Variants in LACC1 observed in about 807,000 individuals in gnomAD.
LACC1 encodes laccase domain multifunctional purine nucleosidase 1.
A neutral mutation model predicts 34.8 loss-of-function variants in LACC1; 25 were observed. That is an observed-to-expected ratio of 0.72 (90% CI 0.52 to 1.00). The LOEUF is 1.00. Ranked by LOEUF, LACC1 falls within the 50% of genes least tolerant of loss-of-function variation. The pLI, the probability that LACC1 is intolerant of heterozygous loss-of-function variation, is 0.00. For synonymous variants in LACC1, 162 were observed against 168.0 expected, an observed-to-expected ratio of 0.96 and a Z score of 0.28; for missense variants, 426 against 511.2, an observed-to-expected ratio of 0.83 and a Z score of 1.61.
Position 43,889,946 on chromosome 13 carries a change from A to AT in LACC1, c.1134-161dup, listed in dbSNP as rs200461061. The stretch of plus-strand genomic sequence containing the variant: ...GTGATAAATGCTGATAAAGTGTAGC[A>AT]TTTTTTTCCCTGACTAGTCCATGTT... On this transcript the variant is annotated intron_variant, in intron 5 of 6. Coordinates refer to ENST00000325686, the MANE Select transcript of LACC1 (RefSeq NM_153218.4). 5.3e-4 allele frequency: 298 copies of AT among 566,460 alleles called. 4 individuals carry two copies. The East Asian group carries it at 6.9e-3, about 13-fold the overall frequency. 35.1% of individuals were successfully genotyped at this position (566,460 alleles called of 1,614,324 possible).
At chr13:43,887,130 T>G (rs1955369911) in intron 4 of LACC1, among the ~76,000 whole-genome samples, 1 of 152,182 alleles carries the variant, frequency 6.6e-6, no homozygotes, top group Non-Finnish European at 1.5e-5. Context: ...TCCTAAAGTC[T>G]TCTCTGCCAG....
chr13:43,883,773 T>C lies in LACC1; in HGVS notation c.744T>C (p.Thr248=), dbSNP rs764149241. ...TTGTTGCACATTTTTGGTATTAGAC[T>C]CATCATTCCAATGACATCTGGATTA... ...FNVEKFYRIK[T]HHSNDIWIMG... Residue 248 remains threonine, a splice_region_variant and synonymous_variant, in exon 4 of 7, where the codon ACT becomes ACC. Coordinates refer to ENST00000325686, the MANE Select transcript of LACC1 (RefSeq NM_153218.4). The C allele has an allele frequency of 3.1e-6, 5 of 1,607,934 alleles. No individual in the cohort carries two copies. Among genetic ancestry groups the C allele is most frequent in the Non-Finnish European group, 4.2e-6 (5 of 1,176,748 alleles).
chr13:43,888,891 G>A lies in LACC1; in HGVS notation c.1042G>A (p.Glu348Lys). ...VGPCCFTLPR[E>K]SAEAFHNLHP... ...ACCTTGCTGTTTTACTCTTCCAAGGGAATCAGCAGAGGCATTTCATAATCT... is the reference window on the plus strand; with the variant it reads ...ACCTTGCTGTTTTACTCTTCCAAGGAAATCAGCAGAGGCATTTCATAATCT... Residue 348 changes from glutamate to lysine, a missense_variant, in exon 5 of 7, where the codon GAA (glutamate) becomes AAA (lysine). By Grantham distance (56) the Glu-to-Lys change is moderately conservative. Around this residue, in one of 2 missense-constraint regions of LACC1, gnomAD observed 209 missense variants for 300.3 expected, o/e 0.70. Coordinates refer to ENST00000325686, the MANE Select transcript of LACC1 (RefSeq NM_153218.4). 6.2e-7 allele frequency: 1 copy of A among 1,613,828 alleles called. No individual in the cohort carries two copies. Among genetic ancestry groups the A allele is most frequent in the Non-Finnish European group, 8.5e-7 (1 of 1,179,794 alleles).
intron 6 of LACC1, 52 bp from the exon 7 acceptor site, chr13:43,891,397 A>G: frequency 1.1e-6 from 1 of 877,092 alleles, no homozygotes; most frequent in Non-Finnish European, 1.4e-6. Flanking sequence ...TTACCTTGAT[A>G]TTCTAATAAC....
At position 43,891,849 on chromosome 13, in the gene LACC1, A is replaced by G. The variant is rs1223029501; in HGVS notation, c.*402A>G. On this transcript the variant is annotated 3_prime_UTR_variant, in exon 7 of 7. Transcript: ENST00000325686. ...AGTGAAGGAGATAAACACTTCTACA[A>G]CTTAAATTTAATTTTAATAGCAGTA... 1.3e-5 allele frequency: 2 copies of G among 152,294 alleles called. No homozygotes were observed. The highest frequency in any genetic ancestry group is 6.5e-5 in the Admixed American group (1 of 15,278). 9.4% of individuals were successfully genotyped at this position (152,294 alleles called of 1,614,324 possible).
Position 43,880,982 on chromosome 13 carries a change from A to G in LACC1, c.-4A>G, listed in dbSNP as rs539758452. 6.2e-7 allele frequency: 1 copy of G among 1,606,976 alleles called. No homozygotes were observed. Among genetic ancestry groups the G allele is most frequent in the Non-Finnish European group, 8.5e-7 (1 of 1,176,314 alleles). ...TTATTTGGCATAAAAGTATTCTTTCAAGGATGGCAGAAGCTGTTTTGATTG... is the reference window on the plus strand; with the variant it reads ...TTATTTGGCATAAAAGTATTCTTTCGAGGATGGCAGAAGCTGTTTTGATTG... On this transcript the variant is annotated 5_prime_UTR_variant, in exon 2 of 7. Transcript: ENST00000325686.
Position 43,891,456 on chromosome 13 carries a change from A to C in LACC1, c.*9A>C. The C allele has an allele frequency of 1.0e-6, 1 of 984,170 alleles. No individual in the cohort carries two copies. Among genetic ancestry groups the C allele is most frequent in the Non-Finnish European group, 1.2e-6 (1 of 828,766 alleles). 61.0% of individuals were successfully genotyped at this position (984,170 alleles called of 1,614,324 possible). ...TTTCTATGTATTTTACAGATACTTG[A>C]CTGGATTTTTGTATAACTGCTTCCT... On this transcript the variant is annotated 3_prime_UTR_variant, in exon 7 of 7. Transcript: ENST00000325686.
At chr13:43,886,935 A>G (rs532403855) in intron 4 of LACC1, among the ~76,000 whole-genome samples, 14 of 152,244 alleles carry the variant, frequency 9.2e-5, no homozygotes, top group African/African-American at 2.9e-4. Context: ...AGGTGGATGA[A>G]CTACAAGTGA....
upstream of LACC1, chr13:43,879,740 T>TGAGGCGGAGCGAGGTGGGC (rs1555394114): frequency 7.7e-6 from 1 of 129,378 alleles, no homozygotes; most frequent in Non-Finnish European, 1.7e-5. Context: ...GCGAGGTAGG[T>TGAGGCGGAGCGAGGTGGGC]GAGGTGAGGC....
Position 43,881,521 on chromosome 13 carries a change from CTAT to C in LACC1, c.540_542del (p.Ile181del). ...CTGCCAGCACTGAGAGGAAAATTAACTATTATCACTTCTTCTTTGATCCCAGGT... is the reference window on the plus strand; with the variant it reads ...CTGCCAGCACTGAGAGGAAAATTAACTATCACTTCTTCTTTGATCCCAGGT... On this transcript the variant is annotated inframe_deletion, in exon 2 of 7. Coordinates refer to ENST00000325686, the MANE Select transcript of LACC1 (RefSeq NM_153218.4). The C allele has an allele frequency of 6.2e-7, 1 of 1,605,404 alleles. No individual in the cohort carries two copies. Among genetic ancestry groups the C allele is most frequent in the Non-Finnish European group, 8.5e-7 (1 of 1,177,084 alleles).
chr13:43,893,170 A>G lies in LACC1; in HGVS notation c.*1723A>G, dbSNP rs1357334807. On this transcript the variant is annotated 3_prime_UTR_variant, in exon 7 of 7. Transcript: ENST00000325686. Reference sequence around the variant, plus strand: ...TTTAATACATATATTTCCTACATGTATATGTGGTAGCATGATAGCAAATAA... The same window carrying G: ...TTTAATACATATATTTCCTACATGTGTATGTGGTAGCATGATAGCAAATAA... 3 of 152,154 alleles carry G rather than the reference A, an allele frequency of 2.0e-5. No individual in the cohort carries two copies. Among genetic ancestry groups the G allele is most frequent in the Non-Finnish European group, 4.4e-5 (3 of 67,924 alleles). The allele number at this position is 152,154 out of a possible 1,614,324, so 9.4% of individuals were successfully genotyped here.
intron 6 of LACC1, among the ~76,000 whole-genome samples, 162 bp from the exon 7 acceptor site, chr13:43,891,287 T>C (rs920990677): frequency 1.4e-4 from 21 of 152,224 alleles, no homozygotes; most frequent in Admixed American, 2.6e-4. Flanking sequence ...TGTGTAATTT[T>C]CCCTAAGGTT....
intron 1 of LACC1, among the ~76,000 whole-genome samples, 189 bp from the exon 2 acceptor site, chr13:43,880,763 G>C (rs1012690424): frequency 6.6e-6 from 1 of 152,170 alleles, no homozygotes; most frequent in African/African-American, 2.4e-5. Flanking sequence ...ATTAAAAGAT[G>C]GCTTTGCTTT....
chr13:43,882,538 T>G (rs1042853822), intron 3 of LACC1, among the ~76,000 whole-genome samples, 175 bp downstream of exon 3: 7 of 137,228 alleles, frequency 5.1e-5, no homozygotes, highest in Non-Finnish European at 7.7e-5. Flanking sequence ...TAAGTTCTAT[T>G]TTATACACAC....
In LACC1 at chr13:43,881,197, C is replaced by T. The variant is rs370129916; in HGVS notation, c.212C>T (p.Ala71Val). ...CEIETSNGLS[A>V]LLEEFEIVSC... ...ATAGAAACAAGCAATGGATTATCAG[C>T]TCTCTTGGAAGAATTTGAGATTGTT... Residue 71 changes from alanine (A) to valine (V), a missense_variant, in exon 2 of 7, where the codon GCT (alanine) becomes GTT (valine). Physicochemically the swap from Ala to Val is moderately conservative, Grantham distance 64. Coordinates refer to ENST00000325686, the MANE Select transcript of LACC1 (RefSeq NM_153218.4). 6.8e-6 allele frequency: 11 copies of T among 1,614,106 alleles called. No individual in the cohort carries two copies. In the African/African-American group the frequency reaches 1.2e-4, roughly 18 times the overall value.
chr13:43,881,406 G>C lies in LACC1; in HGVS notation c.421G>C (p.Gly141Arg), dbSNP rs754139311. 84 of 1,613,962 alleles carry C rather than the reference G, an allele frequency of 5.2e-5. No individual in the cohort carries two copies. The highest frequency in any genetic ancestry group is 6.8e-5 in the Non-Finnish European group (80 of 1,179,998). Residue 141 changes from glycine to arginine, a missense_variant, in exon 2 of 7, where the codon GGG (glycine) becomes CGG (arginine). This residue lies in a region of LACC1 where 217 missense variants were observed against 210.9 expected (regional missense o/e 1.03). Coordinates refer to ENST00000325686, the MANE Select transcript of LACC1 (RefSeq NM_153218.4). Reference sequence around the variant, plus strand: ...AGATTTGCAAGTGACTTTTAGGGGAGGGCTTTTTAAACAGTCCATTGAAAT... The same window carrying C: ...AGATTTGCAAGTGACTTTTAGGGGACGGCTTTTTAAACAGTCCATTGAAAT... ...FEDLQVTFRGGLFKQSIEINV... is the reference protein window; with the variant it reads ...FEDLQVTFRGRLFKQSIEINV...
In LACC1 at chr13:43,880,717, C is replaced by G. The variant is rs149675293; in HGVS notation, c.-34-235C>G. ...TAAACAAAACAGAGGAACTGTCGTGCTGCTGGAAAGATGTACCAGCATTTT... is the reference window on the plus strand; with the variant it reads ...TAAACAAAACAGAGGAACTGTCGTGGTGCTGGAAAGATGTACCAGCATTTT... On this transcript the variant is annotated intron_variant, in intron 1 of 6. Transcript: ENST00000325686. Among the ~76,000 whole-genome samples the G allele has an allele frequency of 1.9e-3, 287 of 152,334 alleles. 2 individuals carry two copies. The highest frequency in any genetic ancestry group is 6.5e-3 in the African/African-American group (272 of 41,574).
chr13:43,881,234 C>T lies in LACC1; in HGVS notation c.249C>T (p.Ser83=). The T allele has an allele frequency of 6.2e-7, 1 of 1,614,156 alleles. No homozygotes were observed. Among genetic ancestry groups the T allele is most frequent in the Non-Finnish European group, 8.5e-7 (1 of 1,180,028 alleles). The change falls in exon 2 of 7, where the codon AGC becomes AGT. Residue 83 remains serine, a synonymous_variant. Coordinates refer to ENST00000325686, the MANE Select transcript of LACC1 (RefSeq NM_153218.4). ...AATTTGAGATTGTTAGCTGTCCCAGCATGGCTGCCACTTTGTATACCATTA... is the reference window on the plus strand; with the variant it reads ...AATTTGAGATTGTTAGCTGTCCCAGTATGGCTGCCACTTTGTATACCATTA... ...LEEFEIVSCP[S]MAATLYTIKQ...
At chr13:43,887,765 A>G (rs1436453696) in intron 4 of LACC1, among the ~76,000 whole-genome samples, 1 of 152,164 alleles carries the variant, frequency 6.6e-6, no homozygotes, top group African/African-American at 2.4e-5. Flanking sequence ...CCCCACATCC[A>G]TTAGGATGGC....
Sources: gnomAD v4.1 joint callset for allele counts (sites outside exome capture counted in the v4.1 genomes callset) on GRCh38, gnomAD v4.1.1 for gene constraint, gnomAD v4.1.1 regional missense constraint, MANE v1.5 for transcripts, NCBI Gene and HGNC (gene_info 2026-07-23, HGNC 2026-07-21) for gene names.